The following TLE6 variants were observed in gnomAD, a reference collection of about 807,000 sequenced individuals.
TLE6 encodes TLE family member 6, subcortical maternal complex member.
A neutral mutation model predicts 77.1 loss-of-function variants in TLE6; 72 were observed. That is an observed-to-expected ratio of 0.93 (90% confidence interval 0.77 to 1.14). The LOEUF (loss-of-function observed/expected upper bound fraction) is 1.14. Among genes scored for constraint, TLE6 ranks in the 50% most tolerant of loss-of-function variants. The pLI, the probability that TLE6 is intolerant of heterozygous loss-of-function variation, is 0.00. For synonymous variants in TLE6, 366 were observed against 287.3 expected (o/e 1.27, Z -2.77); for missense variants, 843 against 747.6 (o/e 1.13, Z -1.49).
intron 5 of TLE6, 87 bp from the exon 6 acceptor site, chr19:2,986,742 T>C: frequency 7.6e-7 from 1 of 1,320,594 alleles, no homozygotes; most frequent in Non-Finnish European, 1.1e-6. Flanking sequence ...ATATACCTTC[T>C]TCTACAGGTG....
intron 1 of TLE6, among the ~76,000 whole-genome samples, 180 bp downstream of exon 1, chr19:2,977,790 T>C (rs1056836481): frequency 3.9e-5 from 6 of 152,144 alleles, no homozygotes; most frequent in Non-Finnish European, 7.4e-5. Context: ...TTCCGCCTAA[T>C]GCACCTGGCT....
At position 2,989,143 on chromosome 19, in the gene TLE6, T is replaced by C; in HGVS notation, c.823T>C (p.Cys275Arg). ...PGQSKRLAVP[C>R]KLEKMRILAH... ...GCAGTCAAAGAGACTCGCCGTCCCG[T>C]GCAAACTGGAAAAGATGCGGATCTT... is the stretch of plus-strand genomic sequence containing the variant. The change falls in exon 12 of 17, where the codon TGC becomes CGC. Residue 275 changes from cysteine to arginine, a missense_variant. Cys to Arg is a radical substitution (Grantham distance 180). Transcript: ENST00000246112. 3.1e-6 allele frequency: 5 copies of C among 1,614,130 alleles called. No homozygotes were observed. The highest frequency in any genetic ancestry group is 1.3e-5 in the African/African-American group (1 of 75,070).
In TLE6 at chr19:2,989,529, T is replaced by A; in HGVS notation, c.994-6T>A. ...CGACAGCTCACAGTGACTCTGCCCA[T>A]CCCAGACCCCTGGGGCCTTCCTGCG... On this transcript the variant is annotated splice_region_variant and splice_polypyrimidine_tract_variant and intron_variant, in intron 12 of 16. Coordinates refer to ENST00000246112, the MANE Select transcript of TLE6 (RefSeq NM_001143986.2). The A allele has an allele frequency of 6.2e-7, 1 of 1,609,926 alleles. No individual in the cohort carries two copies. The highest frequency in any genetic ancestry group is 8.5e-7 in the Non-Finnish European group (1 of 1,178,626).
Position 2,994,197 on chromosome 19 carries a change from C to T in TLE6, c.1614+102C>T, listed in dbSNP as rs546711824. The T allele has an allele frequency of 6.2e-6, 6 of 962,220 alleles. No homozygotes were observed. The East Asian group carries it at 1.3e-4, about 21-fold the overall frequency. 59.6% of individuals were successfully genotyped at this position (962,220 alleles called of 1,614,324 possible). On this transcript the variant is annotated intron_variant, in intron 16 of 16. Coordinates refer to ENST00000246112, the MANE Select transcript of TLE6 (RefSeq NM_001143986.2). ...CTCCACAAAAAACTTAAAAAGTAGC[C>T]AGGTGTGGTGGCTCACGGCTTTAAT...
rs1035743269 is a variant in TLE6, at chr19:2,989,186, T to G, written c.866T>G (p.Val289Gly). The part of the protein sequence containing the change: ...KMRILAHGEL[V>G]LATAISSFTR... ...CGGATCTTGGCACACGGGGAGCTCG[T>G]GCTCGCCACGGCCATCAGCAGCTTC... Residue 289 changes from valine (V) to glycine (G), a missense_variant, in exon 12 of 17, where the codon GTG (valine) becomes GGG (glycine). Transcript: ENST00000246112. The G allele has an allele frequency of 6.2e-7, 1 of 1,614,008 alleles. No individual in the cohort carries two copies. Among genetic ancestry groups the G allele is most frequent in the African/African-American group, 1.3e-5 (1 of 74,946 alleles).
chr19:2,991,604 G>C (rs540578671), intron 13 of TLE6, among the ~76,000 whole-genome samples: 5 of 141,620 alleles, frequency 3.5e-5, no homozygotes, highest in Non-Finnish European at 8.1e-5. Flanking sequence ...GAAGAGGCAA[G>C]GGGAGGCCTA....
intron 11 of TLE6, 119 bp from the exon 12 acceptor site, chr19:2,988,941 AG>A: frequency 9.8e-6 from 14 of 1,430,566 alleles, no homozygotes; most frequent in Non-Finnish European, 1.3e-5. Context: ...GGGTAAAACA[AG>A]GCCTGAGAGA....
chr19:2,979,309 C>T (rs575353302), intron 2 of TLE6, among the ~76,000 whole-genome samples: 31 of 151,438 alleles, frequency 2.0e-4, no homozygotes, highest in African/African-American at 7.0e-4. Flanking sequence ...TGCAGTGGCG[C>T]GATCTCGGCT....
chr19:2,982,869 T>C (rs2088827546), intron 5 of TLE6, among the ~76,000 whole-genome samples: 1 of 152,074 alleles, frequency 6.6e-6, no homozygotes, highest in African/African-American at 2.4e-5. Context: ...GAGCCTGTGA[T>C]GGGGCAGGCA....
At chr19:2,980,468 G>C in intron 3 of TLE6, 1 of 259,104 alleles carries the variant, frequency 3.9e-6, no homozygotes, top group East Asian at 1.1e-4. Flanking sequence ...GGGTATGGTG[G>C]CTCGCACCTG....
chr19:2,987,151 C>A lies in TLE6; in HGVS notation c.454C>A (p.Pro152Thr), dbSNP rs771850990. The A allele has an allele frequency of 1.2e-6, 2 of 1,614,020 alleles. No homozygotes were observed. The highest frequency in any genetic ancestry group is 1.7e-6 in the Non-Finnish European group (2 of 1,180,020). Residue 152 changes from proline (P) to threonine (T), a missense_variant, in exon 7 of 17, where the codon CCT becomes ACT. Pro to Thr is a conservative substitution (Grantham distance 38, BLOSUM62 -1). Transcript: ENST00000246112. ...GACCCAGCTGTTCTGGGACAAGGAG[C>A]CTTGGTTTTGGCACGACACTCTGAC... ...PETQLFWDKEPWFWHDTLTEQ... is the reference protein window; with the variant it reads ...PETQLFWDKETWFWHDTLTEQ...
intron 16 of TLE6, 77 bp downstream of exon 16, chr19:2,994,172 C>T: frequency 1.1e-5 from 14 of 1,311,478 alleles, no homozygotes; most frequent in South Asian, 8.0e-5. Flanking sequence ...AAGACCCTGT[C>T]TCCACAAAAA....
chr19:2,988,560 T>C (rs770217515), intron 11 of TLE6, among the ~76,000 whole-genome samples: 30 of 151,948 alleles, frequency 2.0e-4, no homozygotes, highest in Non-Finnish European at 4.1e-4. Context: ...ATCGCGCCAC[T>C]GCACTCCAGC....
intron 5 of TLE6, among the ~76,000 whole-genome samples, chr19:2,985,699 G>A (rs1229499990): frequency 1.3e-5 from 2 of 149,914 alleles, no homozygotes; most frequent in African/African-American, 2.5e-5. Flanking sequence ...GATTACAGGC[G>A]TGAGCCACCG....
intron 11 of TLE6, 191 bp from the exon 12 acceptor site, chr19:2,988,870 G>A: frequency 2.6e-6 from 2 of 777,588 alleles, no homozygotes; most frequent in Non-Finnish European, 4.0e-6. Context: ...AGTATGTGGA[G>A]GGCTGTGGCA....
chr19:2,991,818 G>C, intron 13 of TLE6, 25 bp from the exon 14 acceptor site: 1 of 1,611,854 alleles, frequency 6.2e-7, no homozygotes, highest in South Asian at 1.1e-5. Context: ...TGACCTGATT[G>C]CCTCCCGATG....
chr19:2,989,620 G>A lies in TLE6; in HGVS notation c.1079G>A (p.Ser360Asn), dbSNP rs771475818. The A allele has an allele frequency of 1.2e-6, 2 of 1,614,164 alleles. No homozygotes were observed. The highest frequency in any genetic ancestry group is 2.2e-5 in the East Asian group (1 of 44,878). ...LTGGYNLASV[S>N]VWDLAAPSLH... ...GGTGGCTACAACCTGGCCAGCGTGAGCGTGTGGGACCTGGCGGCGCCCTCC... is the reference window on the plus strand; with the variant it reads ...GGTGGCTACAACCTGGCCAGCGTGAACGTGTGGGACCTGGCGGCGCCCTCC... The change falls in exon 13 of 17, where the codon AGC (serine) becomes AAC (asparagine). Residue 360 changes from serine (S) to asparagine (N), a missense_variant. Transcript: ENST00000246112.
At position 2,987,253 on chromosome 19, in the gene TLE6, G is replaced by C; in HGVS notation, c.541+15G>C. The C allele has an allele frequency of 3.1e-6, 5 of 1,613,800 alleles. No individual in the cohort carries two copies. Among genetic ancestry groups the C allele is most frequent in the Non-Finnish European group, 4.2e-6 (5 of 1,179,668 alleles). On this transcript the variant is annotated intron_variant, in intron 7 of 16. Transcript: ENST00000246112. ...CAGAGACAGACGTGAGTGTCCCTGA[G>C]GGTGAGGGGGAAGGGGCAGCCACAG...
At position 2,987,204 on chromosome 19, in the gene TLE6, C is replaced by A. The variant is rs200709361; in HGVS notation, c.507C>A (p.Gly169=). 3.1e-6 allele frequency: 5 copies of A among 1,614,088 alleles called. No homozygotes were observed. Among genetic ancestry groups the A allele is most frequent in the Non-Finnish European group, 4.2e-6 (5 of 1,180,030 alleles). ...AGCAACTCTGGCGGATTTTTGCCGG[C>A]GTCCACGATGAGAAGGCAAAGCCCA... The part of the protein sequence containing the change: ...LTEQLWRIFA[G]VHDEKAKPRD... The change falls in exon 7 of 17, where the codon GGC becomes GGA. Residue 169 remains glycine (G), a synonymous_variant. Transcript: ENST00000246112.
Sources: gnomAD v4.1 joint callset for allele counts (sites outside exome capture counted in the v4.1 genomes callset) on GRCh38, gnomAD v4.1.1 for gene constraint, MANE v1.5 for transcripts, NCBI Gene and HGNC (gene_info 2026-07-23, HGNC 2026-07-21) for gene names.